Variants in CD200R1L observed in about 807,000 individuals in gnomAD.
The protein encoded by CD200R1L is CD200 receptor 1 like.
Under a neutral mutation model 24.8 loss-of-function variants are expected in CD200R1L, and 14 were observed. That is an observed-to-expected ratio of 0.56 (90% CI 0.37 to 0.88). The LOEUF is 0.88. Among genes scored for constraint, CD200R1L ranks in the 40% least tolerant of loss-of-function variants. The probability of loss-of-function intolerance (pLI) is 0.00; values close to 1 mark genes in which losing one functional copy is unlikely to be tolerated. For synonymous variants in CD200R1L, 111 were observed against 109.2 expected (o/e 1.02, Z -0.11); for missense variants, 299 against 297.8 (o/e 1.00, Z -0.03).
chr3:112,828,525 G>A (rs916156150), intron 4 of CD200R1L, among the ~76,000 whole-genome samples: 3 of 152,206 alleles, frequency 2.0e-5, no homozygotes, highest in African/African-American at 7.2e-5. Context: ...TTGCAAATTG[G>A]TGACATTGTC....
chr3:112,844,264 G>A (rs1245903545), intron 2 of CD200R1L, among the ~76,000 whole-genome samples: 1 of 152,140 alleles, frequency 6.6e-6, no homozygotes, highest in Non-Finnish European at 1.5e-5. Flanking sequence ...TCTACATATG[G>A]AACGTGCTCT....
At chr3:112,839,774 G>A (rs1312269086) in intron 2 of CD200R1L, among the ~76,000 whole-genome samples, 1 of 152,200 alleles carries the variant, frequency 6.6e-6, no homozygotes, top group Non-Finnish European at 1.5e-5. Flanking sequence ...CTAAGTCTTT[G>A]CCCATAGAAG....
intron 2 of CD200R1L, among the ~76,000 whole-genome samples, chr3:112,838,863 A>T (rs946303622): frequency 2.6e-5 from 4 of 152,186 alleles, no homozygotes; most frequent in Non-Finnish European, 5.9e-5. Flanking sequence ...GATGGGCCTC[A>T]CTCAATCGGC....
intron 6 of CD200R1L, 54 bp downstream of exon 6, chr3:112,826,939 T>C (rs1938668675): frequency 6.6e-7 from 1 of 1,504,006 alleles, no homozygotes; most frequent in Non-Finnish European, 8.9e-7. Flanking sequence ...TTATTTTCTA[T>C]GGAAGAAAAA....
intron 2 of CD200R1L, chr3:112,841,341 C>A: frequency 2.3e-6 from 1 of 441,342 alleles, no homozygotes; most frequent in South Asian, 1.6e-5. Flanking sequence ...GCTTCCTGTA[C>A]AGCCTGTGGA....
chr3:112,842,858 T>A (rs1311286488), intron 2 of CD200R1L, among the ~76,000 whole-genome samples: 1 of 152,182 alleles, frequency 6.6e-6, no homozygotes, highest in Non-Finnish European at 1.5e-5. Context: ...GAACTCTGTT[T>A]TCTGTTGTTT....
In CD200R1L at chr3:112,845,834, G is replaced by A; in HGVS notation, c.-242C>T. On this transcript the variant is annotated 5_prime_UTR_variant, in exon 2 of 8. Transcript: ENST00000488794. ...TCTCTTGGTCACTTTTGCTTATTCT[G>A]TCTTCAACAGGATTGCAAAACATAT... 4 of 794,908 alleles carry A rather than the reference G, an allele frequency of 5.0e-6. No individual in the cohort carries two copies. The South Asian group carries it at 6.5e-5, about 13-fold the overall frequency. The allele number at this position is 794,908 out of a possible 1,614,324, so 49.2% of individuals were successfully genotyped here.
At chr3:112,841,211 G>T (rs1217863419) in intron 2 of CD200R1L, 5 of 424,814 alleles carry the variant, frequency 1.2e-5, no homozygotes, top group South Asian at 8.9e-5. Context: ...GTTCTCACAA[G>T]ATCTGCTTGT....
At chr3:112,834,972 C>G (rs1048723575) in intron 3 of CD200R1L, among the ~76,000 whole-genome samples, 10 of 152,232 alleles carry the variant, frequency 6.6e-5, no homozygotes, top group Admixed American at 3.9e-4. Flanking sequence ...AGCCCTGGCT[C>G]AGGGAGCTCC....
At chr3:112,841,170 C>A in intron 2 of CD200R1L, 2 of 319,880 alleles carry the variant, frequency 6.3e-6, no homozygotes, top group Admixed American at 6.3e-5. Context: ...AATGGTTTAG[C>A]ACCCTCCCCC....
intron 3 of CD200R1L, among the ~76,000 whole-genome samples, chr3:112,830,498 GTT>G (rs11391916): frequency 4.3e-4 from 44 of 102,028 alleles, no homozygotes; most frequent in Admixed American, 6.7e-4. Flanking sequence ...TGTCATTGCA[GTT>G]TTTTTTTTTT....
intron 6 of CD200R1L, among the ~76,000 whole-genome samples, chr3:112,823,473 G>C (rs1938589133): frequency 6.6e-6 from 1 of 152,212 alleles, no homozygotes. Context: ...GCTAACTCCA[G>C]GTAGTTAGTG....
At chr3:112,824,647 A>G (rs556203562) in intron 6 of CD200R1L, among the ~76,000 whole-genome samples, 7 of 152,256 alleles carry the variant, frequency 4.6e-5, no homozygotes, top group Non-Finnish European at 1.0e-4. Context: ...CTGAAAGTTA[A>G]GAAAAGAACC....
At position 112,819,775 on chromosome 3, in the gene CD200R1L, A is replaced by G; in HGVS notation, c.737T>C (p.Val246Ala). Residue 246 changes from valine (V) to alanine (A), a missense_variant, in exon 7 of 8, where the codon GTC becomes GCC. By Grantham distance (64) the Val-to-Ala change is moderately conservative (BLOSUM62 0). Transcript: ENST00000488794. Reference protein sequence around the residue: ...GFVFFQRINHVRKVL With the variant: ...GFVFFQRINHARKVL ...CTTTTCAGTCTTCAGTTCCTACCTG[A>G]CATGATTTATCCTCTGGAAGAAAAC... The G allele has an allele frequency of 1.3e-6, 2 of 1,599,348 alleles. No individual in the cohort carries two copies. The highest frequency in any genetic ancestry group is 1.7e-6 in the Non-Finnish European group (2 of 1,176,022).
chr3:112,831,088 G>A (rs13327238), intron 3 of CD200R1L, among the ~76,000 whole-genome samples: 3,984 of 152,174 alleles, frequency 0.026, 185 homozygotes, highest in African/African-American at 0.091. Context: ...ACTATTAGTT[G>A]CTTATAAGTA....
intron 3 of CD200R1L, 176 bp from the exon 4 acceptor site, chr3:112,829,560 A>G (rs1293748174): frequency 2.2e-6 from 2 of 898,904 alleles, no homozygotes; most frequent in Admixed American, 6.2e-5. Context: ...AGGAAAAAAC[A>G]TGTTAACATC....
intron 2 of CD200R1L, among the ~76,000 whole-genome samples, chr3:112,839,845 G>A (rs1182962876): frequency 6.6e-6 from 1 of 152,158 alleles, no homozygotes; most frequent in Non-Finnish European, 1.5e-5. Context: ...AAACTGTAAT[G>A]ATTTTTCTTC....
chr3:112,839,282 C>G (rs886174930), intron 2 of CD200R1L, among the ~76,000 whole-genome samples: 1 of 152,122 alleles, frequency 6.6e-6, no homozygotes, highest in Non-Finnish European at 1.5e-5. Context: ...ATTTCTAGTG[C>G]TAGAGGGCAC....
At chr3:112,836,916 T>C (rs1213411410) in intron 3 of CD200R1L, among the ~76,000 whole-genome samples, 1 of 152,214 alleles carries the variant, frequency 6.6e-6, no homozygotes, top group Non-Finnish European at 1.5e-5. Context: ...AGAAAACATT[T>C]CTCCTTTCTC....
Sources: gnomAD v4.1 joint callset for allele counts (sites outside exome capture counted in the v4.1 genomes callset) on GRCh38, gnomAD v4.1.1 for gene constraint, MANE v1.5 for transcripts, NCBI Gene and HGNC (gene_info 2026-07-23, HGNC 2026-07-21) for gene names.